TJP3: variants seen among roughly 807,000 people sequenced by gnomAD.
TJP3 encodes the protein tight junction protein ZO-3.
TJP3 carries 85 observed loss-of-function variants against 104.2 expected under a neutral mutation model. That is an observed-to-expected ratio of 0.82 (90% confidence interval 0.68 to 0.98). The LOEUF (loss-of-function observed/expected upper bound fraction) is 0.98, where lower values mean the gene tolerates loss of function less well. Among genes scored for constraint, TJP3 ranks in the 50% least tolerant of loss-of-function variants. The pLI is 0.00. For synonymous variants in TJP3, 550 were observed against 550.6 expected (o/e 1.00, Z 0.02); for missense variants, 1,367 against 1,322.8 (o/e 1.03, Z -0.52).
At chr19:3,742,434 A>T (rs1006972256) in intron 14 of TJP3, among the ~76,000 whole-genome samples, 2 of 151,598 alleles carry the variant, frequency 1.3e-5, no homozygotes, top group African/African-American at 2.4e-5. Context: ...CTCTGGGGGG[A>T]AAAATGCCTC....
intron 1 of TJP3, among the ~76,000 whole-genome samples, chr19:3,717,714 A>T (rs1406912374): frequency 6.6e-6 from 1 of 151,924 alleles, no homozygotes; most frequent in South Asian, 2.1e-4. Flanking sequence ...GATGACAGGC[A>T]TGAGCCACTG....
At chr19:3,729,760 C>T (rs974576597) in intron 3 of TJP3, among the ~76,000 whole-genome samples, 4 of 129,584 alleles carry the variant, frequency 3.1e-5, no homozygotes, top group African/African-American at 1.2e-4. Flanking sequence ...CCAGCCTGGG[C>T]AACAGAGTGA....
intron 1 of TJP3, among the ~76,000 whole-genome samples, chr19:3,713,049 C>T (rs1033792128): frequency 2.0e-5 from 3 of 152,064 alleles, no homozygotes; most frequent in African/African-American, 7.2e-5. Flanking sequence ...CCTCCTACTT[C>T]AAAGTGCCCC....
At chr19:3,745,803 C>G (rs972169746) in intron 15 of TJP3, among the ~76,000 whole-genome samples, 3 of 152,198 alleles carry the variant, frequency 2.0e-5, no homozygotes, top group Admixed American at 6.5e-5. Flanking sequence ...ACCCACTCCT[C>G]AGGAGGAGGA....
Position 3,743,959 on chromosome 19 carries a change from G to T in TJP3, c.1864G>T (p.Val622Leu). 6.2e-7 allele frequency: 1 copy of T among 1,614,182 alleles called. No homozygotes were observed. The highest frequency in any genetic ancestry group is 8.5e-7 in the Non-Finnish European group (1 of 1,180,046). ...CTCAGCCAGTTTCAAGCGCCCGGTA[G>T]TGATCCTGGGACCCGTGGCCGACAT... Reference protein sequence around the residue: ...LREASFKRPVVILGPVADIAM... With the variant: ...LREASFKRPVLILGPVADIAM... Residue 622 changes from valine (V) to leucine (L), a missense_variant, in exon 15 of 21, where the codon GTG becomes TTG. Coordinates refer to ENST00000541714, the MANE Select transcript of TJP3 (RefSeq NM_001267560.2).
chr19:3,712,628 A>G (rs1165773812), intron 1 of TJP3, among the ~76,000 whole-genome samples: 1 of 151,980 alleles, frequency 6.6e-6, no homozygotes, highest in Non-Finnish European at 1.5e-5. Context: ...TTCCTTCTAG[A>G]GCTCAGCCGT....
chr19:3,744,049 C>G lies in TJP3; in HGVS notation c.1939+15C>G. On this transcript the variant is annotated intron_variant, in intron 15 of 20. Coordinates refer to ENST00000541714, the MANE Select transcript of TJP3 (RefSeq NM_001267560.2). ...TGAAATCGCAGGTGAGAAGCCAGAT[C>G]CTCTGGAAACCTCGTTGGTGAAATA... 6.2e-7 allele frequency: 1 copy of G among 1,609,260 alleles called. No homozygotes were observed. The highest frequency in any genetic ancestry group is 1.3e-5 in the African/African-American group (1 of 74,912).
At chr19:3,749,063 G>C (rs984068637) in intron 19 of TJP3, among the ~76,000 whole-genome samples, 11 of 151,088 alleles carry the variant, frequency 7.3e-5, no homozygotes, top group African/African-American at 2.7e-4. Context: ...GTAGAGACAG[G>C]GTTTCACCAC....
intron 1 of TJP3, among the ~76,000 whole-genome samples, chr19:3,711,452 G>A (rs62130631): frequency 0.72 from 107,690 of 150,476 alleles, 38,888 homozygotes; most frequent in East Asian, 1. Flanking sequence ...GCTCGCCTCG[G>A]CCTCCCAAAG....
At chr19:3,744,859 C>T (rs190639279) in intron 15 of TJP3, among the ~76,000 whole-genome samples, 14 of 152,132 alleles carry the variant, frequency 9.2e-5, no homozygotes, top group African/African-American at 1.9e-4. Context: ...TCCCAGGAGG[C>T]GGAGGGTGCA....
Position 3,734,525 on chromosome 19 carries a change from G to A in TJP3, c.986+90G>A, listed in dbSNP as rs905524456. On this transcript the variant is annotated intron_variant, in intron 8 of 20. Coordinates refer to ENST00000541714, the MANE Select transcript of TJP3 (RefSeq NM_001267560.2). ...ACGCGGGCGTAGCTTTCCAACTGGG[G>A]GTAACCTTGAGGACGCAGTCCTGTA... is the stretch of plus-strand genomic sequence containing the variant. 1.0e-4 allele frequency: 123 copies of A among 1,215,830 alleles called. No homozygotes were observed. In the South Asian group the frequency reaches 1.8e-3, roughly 17 times the overall value. 75.3% of individuals were successfully genotyped at this position (1,215,830 alleles called of 1,614,324 possible).
rs779242334 is a variant in TJP3 at position 3,746,753 on chromosome 19, A to G, written c.2222-23A>G. On this transcript the variant is annotated intron_variant, in intron 17 of 20. Coordinates refer to ENST00000541714, the MANE Select transcript of TJP3 (RefSeq NM_001267560.2). The surrounding 1 kb of genome is among the most constrained non-coding windows in gnomAD (Gnocchi z 4.1). ...GGGCCCCAGCCTGAGTCTCCTGCACACACTGACGTCCCCTCCCTGCAGCCA... is the reference window on the plus strand; with the variant it reads ...GGGCCCCAGCCTGAGTCTCCTGCACGCACTGACGTCCCCTCCCTGCAGCCA... 1 of 1,601,512 alleles carries G rather than the reference A, an allele frequency of 6.2e-7. No individual in the cohort carries two copies.
intron 19 of TJP3, 67 bp from the exon 20 acceptor site, chr19:3,750,071 G>A: frequency 6.2e-7 from 1 of 1,604,366 alleles, no homozygotes; most frequent in East Asian, 2.2e-5. Flanking sequence ...GGATGGAGGT[G>A]GTTATTGATC....
rs1004104233 is a variant in TJP3 at position 3,716,455 on chromosome 19, G to A, written c.-10+7894G>A. On this transcript the variant is annotated intron_variant, in intron 1 of 20. Coordinates refer to ENST00000541714, the MANE Select transcript of TJP3 (RefSeq NM_001267560.2). ...GCACTGGCTTGGAGTTCGAGGTGCA[G>A]GGGCAAACAGAGCTGCAGCCAAATC... Among the ~76,000 whole-genome samples the A allele has an allele frequency of 5.4e-5, 8 of 148,224 alleles. 1 individual carries two copies. Among genetic ancestry groups the A allele is most frequent in the Admixed American group, 4.8e-4 (7 of 14,610 alleles).
intron 1 of TJP3, among the ~76,000 whole-genome samples, chr19:3,726,599 T>TG: frequency 6.6e-6 from 1 of 151,502 alleles, no homozygotes; most frequent in African/African-American, 2.4e-5. Flanking sequence ...TTTTGTTTTT[T>TG]TTTTTTCTAA....
In TJP3 at chr19:3,748,050, G is replaced by A. The variant is rs539057070; in HGVS notation, c.2579G>A (p.Arg860His). The change falls in exon 19 of 21, where the codon CGT (arginine) becomes CAT (histidine). Residue 860 changes from arginine to histidine, a missense_variant. By Grantham distance (29) the Arg-to-His change is conservative (BLOSUM62 0). Coordinates refer to ENST00000541714, the MANE Select transcript of TJP3 (RefSeq NM_001267560.2). ...QADESQSPRD[R>H]GRISAHQGAQ... ...GATGAGTCCCAGAGCCCGAGGGATC[G>A]TGGGAGAATCTCGGCTCATCAGGGG... 52 of 1,587,326 alleles carry A rather than the reference G, an allele frequency of 3.3e-5. No individual in the cohort carries two copies. The highest frequency in any genetic ancestry group is 3.1e-4 in the Admixed American group (17 of 55,286).
rs200759540 is a variant in TJP3, at chr19:3,750,090, C to T, written c.2611-48C>T. 66 of 1,613,324 alleles carry T rather than the reference C, an allele frequency of 4.1e-5. No individual in the cohort carries two copies. The East Asian group carries it at 1.3e-3, about 32-fold the overall frequency. ...GGAGGTGGTTATTGATCTCGACTCA[C>T]CATGCTCTGGGGGGAGTTTTGAAGC... On this transcript the variant is annotated intron_variant, in intron 19 of 20. Transcript: ENST00000541714.
rs539090182 is a variant in TJP3 at position 3,746,234 on chromosome 19, C to A, written c.2010+153C>A. On this transcript the variant is annotated intron_variant, in intron 16 of 20. Coordinates refer to ENST00000541714, the MANE Select transcript of TJP3 (RefSeq NM_001267560.2). The surrounding 1 kb of genome is among the most constrained non-coding windows in gnomAD (Gnocchi z 4.1). ...TGGAGGCTTTGTGAGGCAGGAGGCC[C>A]GAGACAGACAAGGGCTTCTCGGAGT... Among the ~76,000 whole-genome samples the A allele has an allele frequency of 6.6e-6, 1 of 152,014 alleles. No homozygotes were observed. The highest frequency in any genetic ancestry group is 2.4e-5 in the African/African-American group (1 of 41,358).
intron 1 of TJP3, among the ~76,000 whole-genome samples, chr19:3,718,467 TGG>T (rs1462830952): frequency 7.6e-6 from 1 of 130,882 alleles, no homozygotes; most frequent in Admixed American, 7.8e-5. Context: ...TTTTTTTTTT[TGG>T]GGTGGTGGGG....
Sources: gnomAD v4.1 joint callset for allele counts (sites outside exome capture counted in the v4.1 genomes callset) on GRCh38, gnomAD v4.1.1 for gene constraint, Gnocchi (gnomAD v3.1) non-coding constraint, MANE v1.5 for transcripts, NCBI Gene and HGNC (gene_info 2026-07-23, HGNC 2026-07-21) for gene names.